The following LAS1L variants were observed in gnomAD, a reference collection of about 807,000 sequenced individuals.
The protein encoded by LAS1L is ribosomal biogenesis protein LAS1L.
LAS1L carries 5 observed loss-of-function variants against 57.3 expected under a neutral mutation model. That is an observed-to-expected ratio of 0.09 (90% CI 0.05 to 0.18). LAS1L has a LOEUF of 0.18. Ranked by LOEUF, LAS1L falls within the 10% of genes least tolerant of loss-of-function variation. The probability of loss-of-function intolerance (pLI) is 1.00; values close to 1 mark genes in which losing one functional copy is unlikely to be tolerated. For synonymous variants in LAS1L, 245 were observed against 231.7 expected, an observed-to-expected ratio of 1.06 and a Z score of -0.52; for missense variants, 360 against 568.3, an observed-to-expected ratio of 0.63 and a Z score of 3.73.
At chrX:65,527,789 C>T (rs1348911686) in intron 7 of LAS1L, among the ~76,000 whole-genome samples, 1 of 109,121 alleles carries the variant, frequency 9.2e-6, no homozygotes, top group Non-Finnish European at 1.9e-5. Context: ...GCCGAGACTG[C>T]GCCACTGCAC....
chrX:65,524,575 G>C lies in LAS1L; in HGVS notation c.1082C>G (p.Pro361Arg), dbSNP rs867562406. The C allele has an allele frequency of 5.0e-5, 26 of 525,110 alleles. No individual in the cohort carries two copies. In the Middle Eastern group the frequency reaches 5.0e-3, roughly 101 times the overall value. 43.3% of individuals were successfully genotyped at this position (525,110 alleles called of 1,213,427 possible). The part of the protein sequence containing the change: ...TEVQRGEGTD[P>R]KSHKNVDLND... ...TGTCAATAACTCACTGTGTGACTTT[G>C]GGTCAGTACCTTCCCCTCTCTGGAC... The change falls in exon 9 of 14, where the codon CCA becomes CGA. Residue 361 changes from proline (P) to arginine (R), a missense_variant. Around this residue, in one of 7 missense-constraint regions of LAS1L, gnomAD observed 81 missense variants for 192.1 expected, o/e 0.42. Transcript: ENST00000374811.
chrX:65,524,622 A>G lies in LAS1L; in HGVS notation c.1043-8T>C, dbSNP rs1040925161. On this transcript the variant is annotated splice_polypyrimidine_tract_variant and splice_region_variant and intron_variant, in intron 8 of 13. Transcript: ENST00000374811. Reference sequence around the variant, plus strand: ...GGACCTCAGTCTGACCATCTGTAACATGAGGATGTTGGACTAGATGACCTC... The same window carrying G: ...GGACCTCAGTCTGACCATCTGTAACGTGAGGATGTTGGACTAGATGACCTC... The G allele has an allele frequency of 5.7e-6, 3 of 525,110 alleles. No homozygotes were observed. In the African/African-American group the frequency reaches 6.9e-5, roughly 12 times the overall value. 43.3% of individuals were successfully genotyped at this position (525,110 alleles called of 1,213,427 possible).
chrX:65,525,286 T>C (rs2069068358), intron 7 of LAS1L, among the ~76,000 whole-genome samples: 1 of 111,667 alleles, frequency 9.0e-6, no homozygotes, highest in Non-Finnish European at 1.9e-5. Flanking sequence ...TTTGAACAAG[T>C]GCTTACCAAG....
chrX:65,530,813 CAAAA>C (rs754023056), intron 4 of LAS1L, among the ~76,000 whole-genome samples: 1 of 42,120 alleles, frequency 2.4e-5, no homozygotes, highest in Non-Finnish European at 5.0e-5. Context: ...GACTCTGTCT[CAAAA>C]AAAAAAAAAA....
chrX:65,515,339 T>C (rs753622991), intron 12 of LAS1L, among the ~76,000 whole-genome samples: 21 of 110,947 alleles, frequency 1.9e-4, no homozygotes, highest in Non-Finnish European at 5.7e-5. Context: ...CCTATTTCCC[T>C]GTCTGTAGAC....
At chrX:65,531,256 G>T in intron 4 of LAS1L, 101 bp downstream of exon 4, 1 of 491,330 alleles carries the variant, frequency 2.0e-6, no homozygotes, top group South Asian at 4.9e-5. Context: ...TCCCAGCCTT[G>T]ACTCCAGGTG....
intron 11 of LAS1L, chrX:65,518,820 A>G (rs891526553): frequency 1.3e-6 from 1 of 754,374 alleles, no homozygotes; most frequent in East Asian, 1.5e-4. Context: ...AAAGCTACAT[A>G]AATGCACAAA....
chrX:65,516,206 C>T (rs2068622326), intron 12 of LAS1L, among the ~76,000 whole-genome samples: 1 of 111,309 alleles, frequency 9.0e-6, no homozygotes, highest in Non-Finnish European at 1.9e-5. Flanking sequence ...TCTACTTGTC[C>T]ATCCCCCTCC....
At chrX:65,515,564 C>T (rs2068599808) in intron 12 of LAS1L, among the ~76,000 whole-genome samples, 1 of 110,928 alleles carries the variant, frequency 9.0e-6, no homozygotes, top group African/African-American at 3.3e-5. Flanking sequence ...GGTGGACTCC[C>T]TGAGATAGTA....
At position 65,518,142 on chromosome X, in the gene LAS1L, T is replaced by G; in HGVS notation, c.1772A>C (p.Glu591Ala). The G allele has an allele frequency of 2.5e-6, 3 of 1,200,142 alleles. No individual in the cohort carries two copies. The highest frequency in any genetic ancestry group is 3.4e-6 in the Non-Finnish European group (3 of 885,029). Residue 591 changes from glutamate (E) to alanine (A), a missense_variant, in exon 12 of 14, where the codon GAA becomes GCA. Glu to Ala is a moderately radical substitution (Grantham distance 107, BLOSUM62 -1). Around this residue, in one of 7 missense-constraint regions of LAS1L, gnomAD observed 123 missense variants for 168.3 expected, o/e 0.73. Coordinates refer to ENST00000374811, the MANE Select transcript of LAS1L (RefSeq NM_031206.7). ...ATCTTCATCATCTTCATCCTCCTCT[T>G]CCTCCTCTTGGTCATCATTTTCTTC... is the stretch of plus-strand genomic sequence containing the variant. ...EEEENDDQEE[E>A]EEDEDDEDDE... is the part of the protein sequence containing the mutation.
At chrX:65,517,213 A>ATGGAAC (rs749959024) in intron 12 of LAS1L, among the ~76,000 whole-genome samples, 2 of 107,165 alleles carry the variant, frequency 1.9e-5, no homozygotes, top group East Asian at 5.8e-4. Flanking sequence ...TGTTTCTCTG[A>ATGGAAC]CTTAATGCCC....
At position 65,534,757 on chromosome X, in the gene LAS1L, A is replaced by T; in HGVS notation, c.-42T>A. On this transcript the variant is annotated 5_prime_UTR_variant, in exon 1 of 14. Coordinates refer to ENST00000374811, the MANE Select transcript of LAS1L (RefSeq NM_031206.7). ...GGCTCTGTGCCGCGCCGCTCCGCACAGCCTTCAGCTCAGCGTGCTACCCTC... is the reference window on the plus strand; with the variant it reads ...GGCTCTGTGCCGCGCCGCTCCGCACTGCCTTCAGCTCAGCGTGCTACCCTC... 1 of 1,054,884 alleles carries T rather than the reference A, an allele frequency of 9.5e-7. No individual in the cohort carries two copies. Among genetic ancestry groups the T allele is most frequent in the Non-Finnish European group, 1.3e-6 (1 of 775,410 alleles). 86.9% of individuals were successfully genotyped at this position (1,054,884 alleles called of 1,213,427 possible). A position where few individuals can be genotyped will look rare whatever the true frequency, so the allele number is the denominator to read the frequency against.
At position 65,529,889 on chromosome X, in the gene LAS1L, G is replaced by A. The variant is rs748805246; in HGVS notation, c.515-11C>T. The A allele has an allele frequency of 8.3e-7, 1 of 1,207,182 alleles. No individual in the cohort carries two copies. On this transcript the variant is annotated splice_polypyrimidine_tract_variant and intron_variant, in intron 4 of 13. Coordinates refer to ENST00000374811, the MANE Select transcript of LAS1L (RefSeq NM_031206.7). ...GGACAAAGTAGCAGCCTAGAGGGGG[G>A]AAGGCAGGCAGTGCCACAGGATCAG...
In LAS1L at chrX:65,514,843, T is replaced by C; in HGVS notation, c.2058A>G (p.Glu686=). ...LDQPVLEQRL[E]PSTCKTDTLG... ...CTCACTCAGTCTTGCATGTTGAGGG[T>C]TCCAGCCGCTGCTCTAGCACAGGCT... Residue 686 remains glutamate, a synonymous_variant, in exon 13 of 14, where the codon GAA becomes GAG. Coordinates refer to ENST00000374811, the MANE Select transcript of LAS1L (RefSeq NM_031206.7). The C allele has an allele frequency of 8.4e-7, 1 of 1,196,924 alleles. No homozygotes were observed.
At chrX:65,513,005 C>T (rs1280687428) in intron 13 of LAS1L, 104 bp from the exon 14 acceptor site, 2 of 843,992 alleles carry the variant, frequency 2.4e-6, no homozygotes, top group Non-Finnish European at 3.2e-6. Flanking sequence ...GCCCACTCTC[C>T]TGCCTGGCTT....
Position 65,525,748 on chromosome X carries a change from C to CAAAAAAAAAAAAAAAAA in LAS1L, c.957-715_957-699dup, listed in dbSNP as rs772564998. Among the ~76,000 whole-genome samples, 235 of 38,205 alleles carry CAAAAAAAAAAAAAAAAA rather than the reference C, an allele frequency of 6.2e-3. 22 individuals carry two copies. The highest frequency in any genetic ancestry group is 0.025 in the African/African-American group (218 of 8,701). 33.2% of individuals were successfully genotyped at this position (38,205 alleles called of 115,157 possible). Reference sequence around the variant, plus strand: ...AGGTCTTCACCAAGGTCTGATTTTTCAAAAAAAAAAAAAAAAAAAAGAAAG... The same window carrying CAAAAAAAAAAAAAAAAA: ...AGGTCTTCACCAAGGTCTGATTTTTCAAAAAAAAAAAAAAAAAAAAAAAAAAAAAAAAAAAAAGAAAG... On this transcript the variant is annotated intron_variant, in intron 7 of 13. Transcript: ENST00000374811.
chrX:65,532,533 T>A (rs2069551641), intron 3 of LAS1L, 28 bp downstream of exon 3: 1 of 1,153,287 alleles, frequency 8.7e-7, no homozygotes, highest in South Asian at 1.8e-5. Flanking sequence ...GGAGACAGAA[T>A]TGAGCAAGTT....
At position 65,515,035 on chromosome X, in the gene LAS1L, G is replaced by A. The variant is rs762919680; in HGVS notation, c.1928-62C>T. The A allele has an allele frequency of 1.5e-5, 16 of 1,099,718 alleles. No homozygotes were observed. The African/African-American group carries it at 2.8e-4, about 19-fold the overall frequency. The allele number at this position is 1,099,718 out of a possible 1,213,427, so 90.6% of individuals were successfully genotyped here. Reference sequence around the variant, plus strand: ...GAGCTGGTTCTCCGACTGGTGCACAGGCCTGCTCACCCTGTCCATCCACCC... The same window carrying A: ...GAGCTGGTTCTCCGACTGGTGCACAAGCCTGCTCACCCTGTCCATCCACCC... On this transcript the variant is annotated intron_variant, in intron 12 of 13. Transcript: ENST00000374811.
At chrX:65,521,943 T>G (rs1602601669) in intron 11 of LAS1L, 1 of 110,750 alleles carries the variant, frequency 9.0e-6, no homozygotes, top group Non-Finnish European at 1.9e-5. Flanking sequence ...ATGGGAAGGG[T>G]GGGAATGATA....
Sources: allele counts gnomAD v4.1 joint callset (sites outside exome capture counted in the v4.1 genomes callset), GRCh38; gene constraint gnomAD v4.1.1; regional missense constraint gnomAD v4.1.1; transcripts MANE v1.5; gene names NCBI Gene and HGNC (gene_info 2026-07-23, HGNC 2026-07-21).